The following PACSIN2 variants were observed in gnomAD, a reference collection of about 807,000 sequenced individuals.
The protein encoded by PACSIN2 is protein kinase C and casein kinase substrate in neurons protein 2.
PACSIN2 carries 25 observed loss-of-function variants against 63.8 expected under a neutral mutation model. That is an observed-to-expected ratio of 0.39 (90% CI 0.29 to 0.55). The LOEUF (loss-of-function observed/expected upper bound fraction) is 0.55. Ranked by LOEUF, PACSIN2 falls within the 20% of genes least tolerant of loss-of-function variation. The probability of loss-of-function intolerance (pLI) is 0.62; values close to 1 mark genes in which losing one functional copy is unlikely to be tolerated. For missense variants in PACSIN2, 518 were observed against 646.9 expected, an observed-to-expected ratio of 0.80 and a Z score of 2.16; for synonymous variants, 255 against 256.2, an observed-to-expected ratio of 1.00 and a Z score of 0.05.
chr22:42,940,918 G>A (rs1235544284), intron 1 of PACSIN2, among the ~76,000 whole-genome samples: 1 of 152,186 alleles, frequency 6.6e-6, no homozygotes, highest in Non-Finnish European at 1.5e-5. Flanking sequence ...AATTCACACA[G>A]TTCACCCATC....
chr22:42,886,638 T>C (rs1045727555), intron 5 of PACSIN2, among the ~76,000 whole-genome samples: 3 of 152,122 alleles, frequency 2.0e-5, no homozygotes, highest in African/African-American at 7.2e-5. Flanking sequence ...ACTAAGTTTT[T>C]AAATTTTTTG....
chr22:42,884,013 A>AG (rs1266543072), intron 6 of PACSIN2, among the ~76,000 whole-genome samples: 1 of 152,086 alleles, frequency 6.6e-6, no homozygotes, highest in African/African-American at 2.4e-5. Context: ...CTCAAAAAAA[A>AG]AAAAAGAAAA....
intron 1 of PACSIN2, among the ~76,000 whole-genome samples, chr22:42,917,630 A>C (rs1030324880): frequency 1.5e-5 from 2 of 136,436 alleles, no homozygotes; most frequent in Non-Finnish European, 3.0e-5. Flanking sequence ...AACCAACCAA[A>C]CAAAAAAAAA....
intron 2 of PACSIN2, among the ~76,000 whole-genome samples, chr22:42,908,806 G>C (rs1931255031): frequency 6.6e-6 from 1 of 152,062 alleles, no homozygotes; most frequent in African/African-American, 2.4e-5. Context: ...CCTTCTACTT[G>C]TTCCCAATTC....
At chr22:42,884,643 T>C in intron 5 of PACSIN2, 82 bp from the exon 6 acceptor site, 3 of 1,092,324 alleles carry the variant, frequency 2.7e-6, no homozygotes, top group Non-Finnish European at 4.0e-6. Flanking sequence ...GTCTCAGGCC[T>C]TCCCAGATTC....
intron 1 of PACSIN2, among the ~76,000 whole-genome samples, chr22:42,972,369 G>C (rs188512840): frequency 1.3e-4 from 20 of 152,258 alleles, no homozygotes; most frequent in African/African-American, 4.6e-4. Flanking sequence ...TAAACATTGC[G>C]GAAGGCCGCA....
chr22:42,961,447 T>TAAAAAA (rs10678680), intron 1 of PACSIN2, among the ~76,000 whole-genome samples: 2 of 121,214 alleles, frequency 1.6e-5, no homozygotes, highest in Admixed American at 8.8e-5. Context: ...AATGATCAAT[T>TAAAAAA]AAAAAAAAAA....
chr22:42,898,595 C>T (rs562314079), intron 2 of PACSIN2, among the ~76,000 whole-genome samples: 18 of 152,104 alleles, frequency 1.2e-4, no homozygotes, highest in African/African-American at 4.1e-4. Context: ...TAGGGTCCTC[C>T]GGAGGCCGCT....
rs151213642 is a variant in PACSIN2, at chr22:42,871,673, T to C, written c.1349-204A>G. Among the ~76,000 whole-genome samples the C allele has an allele frequency of 2.0e-3, 306 of 152,278 alleles. 1 individual carries two copies. The highest frequency in any genetic ancestry group is 7.1e-3 in the African/African-American group (296 of 41,556). ...CATGGGCCTCTGACAGACCTAGAGATGACAGTCTCACACAGTAATTTGGAA... is the reference window on the plus strand; with the variant it reads ...CATGGGCCTCTGACAGACCTAGAGACGACAGTCTCACACAGTAATTTGGAA... On this transcript the variant is annotated intron_variant, in intron 10 of 10. Transcript: ENST00000263246. This position sits in a 1 kb window ranked among gnomAD's most constrained non-coding sequence, Gnocchi z 5.4.
chr22:42,874,311 C>A (rs1928404442), intron 10 of PACSIN2, among the ~76,000 whole-genome samples: 2 of 131,270 alleles, frequency 1.5e-5, no homozygotes, highest in Admixed American at 1.6e-4. Flanking sequence ...CAGAGTGAGA[C>A]CGTGTCTCTA....
intron 10 of PACSIN2, among the ~76,000 whole-genome samples, chr22:42,875,621 C>T (rs1421322834): frequency 6.6e-6 from 1 of 152,076 alleles, no homozygotes; most frequent in Non-Finnish European, 1.5e-5. Flanking sequence ...CTGCAACCTC[C>T]ACCTCCCAGG....
At chr22:42,898,593 TC>T in intron 2 of PACSIN2, among the ~76,000 whole-genome samples, 1 of 152,034 alleles carries the variant, frequency 6.6e-6, no homozygotes, top group Non-Finnish European at 1.5e-5. Flanking sequence ...TCTAGGGTCC[TC>T]CGGAGGCCGC....
intron 1 of PACSIN2, among the ~76,000 whole-genome samples, chr22:43,000,400 G>T (rs1923690709): frequency 1.3e-5 from 2 of 152,336 alleles, no homozygotes; most frequent in Admixed American, 1.3e-4. Context: ...GACTGAGTTT[G>T]TCTCCACCTC....
intron 1 of PACSIN2, among the ~76,000 whole-genome samples, chr22:43,003,320 A>G (rs1401436552): frequency 2.0e-5 from 3 of 152,216 alleles, no homozygotes; most frequent in Non-Finnish European, 4.4e-5. Flanking sequence ...ATAAAAACAA[A>G]TATCGGCTGG....
intron 4 of PACSIN2, among the ~76,000 whole-genome samples, chr22:42,889,672 G>A (rs1482668040): frequency 1.3e-5 from 2 of 152,088 alleles, no homozygotes; most frequent in Non-Finnish European, 2.9e-5. Context: ...TGTTGGGGGT[G>A]GCACATCTAC....
At chr22:43,013,470 A>AAGAGAGATCCAAGTTGCACTGGCAC (rs1260054562) in intron 1 of PACSIN2, among the ~76,000 whole-genome samples, 2 of 152,228 alleles carry the variant, frequency 1.3e-5, no homozygotes, top group Non-Finnish European at 2.9e-5. Flanking sequence ...CAGGTGAATC[A>AAGAGAGATCCAAGTTGCACTGGCAC]AGAGAGATCC....
At chr22:43,000,755 G>C (rs1306773640) in intron 1 of PACSIN2, among the ~76,000 whole-genome samples, 1 of 152,162 alleles carries the variant, frequency 6.6e-6, no homozygotes, top group African/African-American at 2.4e-5. Context: ...AATACAAGAA[G>C]CATTAAAGAA....
intron 1 of PACSIN2, among the ~76,000 whole-genome samples, chr22:42,987,986 C>G (rs926691044): frequency 6.6e-6 from 1 of 151,876 alleles, no homozygotes; most frequent in African/African-American, 2.4e-5. Flanking sequence ...ACTAAAGATA[C>G]AAAAATTAGC....
chr22:42,876,782 A>T, intron 9 of PACSIN2, 106 bp downstream of exon 9: 1 of 1,451,982 alleles, frequency 6.9e-7, no homozygotes. Flanking sequence ...CTTCCTGCAG[A>T]GCTCCGTGCA....
Sources: allele counts gnomAD v4.1 joint callset (sites outside exome capture counted in the v4.1 genomes callset), GRCh38; gene constraint gnomAD v4.1.1; non-coding constraint Gnocchi (gnomAD v3.1); transcripts MANE v1.5; gene names NCBI Gene and HGNC (gene_info 2026-07-23, HGNC 2026-07-21).